CTNND2: variants seen among roughly 807,000 people sequenced by gnomAD.
CTNND2 encodes the protein catenin delta-2.
Under a neutral mutation model 144.4 loss-of-function variants are expected in CTNND2, and 22 were observed. The ratio of observed to expected loss-of-function variants is 0.15; its 90% CI spans 0.11 to 0.22. CTNND2 has a LOEUF of 0.22. Among genes scored for constraint, CTNND2 ranks in the 10% least tolerant of loss-of-function variants. The pLI is 1.00. For missense variants in CTNND2, 1,353 were observed against 1,618.8 expected (o/e 0.84, Z 2.82); for synonymous variants, 751 against 695.6 (o/e 1.08, Z -1.25).
At chr5:11,819,353 G>C (rs1793190813) in intron 1 of CTNND2, among the ~76,000 whole-genome samples, 1 of 152,110 alleles carries the variant, frequency 6.6e-6, no homozygotes, top group Admixed American at 6.5e-5. Context: ...AGAATCACTT[G>C]AGCCCAGGAG....
In CTNND2 at chr5:11,779,492, G is replaced by A. The variant is rs138164628; in HGVS notation, c.38-47220C>T. 1.2e-3 allele frequency among the ~76,000 whole-genome samples: 177 copies of A among 152,300 alleles called. 1 individual carries two copies. The highest frequency in any genetic ancestry group is 4.1e-3 in the African/African-American group (169 of 41,564). Reference sequence around the variant, plus strand: ...AACTGCAGGCTGCCTTGCAGAGAGAGGGTGCCCAGCAAGGTGCTGGCATCA... The same window carrying A: ...AACTGCAGGCTGCCTTGCAGAGAGAAGGTGCCCAGCAAGGTGCTGGCATCA... On this transcript the variant is annotated intron_variant, in intron 1 of 21. Transcript: ENST00000304623.
At chr5:11,447,028 G>A (rs1030429681) in intron 3 of CTNND2, among the ~76,000 whole-genome samples, 3 of 151,966 alleles carry the variant, frequency 2.0e-5, no homozygotes, top group Admixed American at 2.0e-4. Flanking sequence ...CATATCTCTG[G>A]AGGGTTCTTT....
intron 12 of CTNND2, among the ~76,000 whole-genome samples, chr5:11,139,255 C>T (rs1214210780): frequency 6.6e-6 from 1 of 152,182 alleles, no homozygotes; most frequent in South Asian, 2.1e-4. Flanking sequence ...GCGACCACAC[C>T]CGGCCAGAAA....
intron 2 of CTNND2, among the ~76,000 whole-genome samples, chr5:11,664,934 A>G (rs537301816): frequency 6.6e-6 from 1 of 152,318 alleles, no homozygotes; most frequent in African/African-American, 2.4e-5. Flanking sequence ...ACTGCTTTGA[A>G]GAAAGAATCC....
At chr5:11,826,853 A>C (rs1166981364) in intron 1 of CTNND2, among the ~76,000 whole-genome samples, 1 of 152,066 alleles carries the variant, frequency 6.6e-6, no homozygotes, top group East Asian at 1.9e-4. Flanking sequence ...TCAAAGAAGA[A>C]AAAGATAAAA....
Position 11,813,156 on chromosome 5 carries a change from C to T in CTNND2, c.38-80884G>A, listed in dbSNP as rs557144168. On this transcript the variant is annotated intron_variant, in intron 1 of 21. Coordinates refer to ENST00000304623, the MANE Select transcript of CTNND2 (RefSeq NM_001332.4). Reference sequence around the variant, plus strand: ...CTATGTTTAGATACACCAATACTTACCATTGTGTTACAATTGCCTACAGTA... The same window carrying T: ...CTATGTTTAGATACACCAATACTTATCATTGTGTTACAATTGCCTACAGTA... Among the ~76,000 whole-genome samples, 18 of 152,318 alleles carry T rather than the reference C, an allele frequency of 1.2e-4. No individual in the cohort carries two copies. In the South Asian group the frequency reaches 3.7e-3, roughly 32 times the overall value.
chr5:11,713,671 A>G (rs1165718201), intron 2 of CTNND2, among the ~76,000 whole-genome samples: 1 of 151,932 alleles, frequency 6.6e-6, no homozygotes. Flanking sequence ...TGAGGATAAG[A>G]CTTCTGCAAC....
At chr5:11,189,845 A>G (rs1736062598) in intron 11 of CTNND2, among the ~76,000 whole-genome samples, 1 of 152,178 alleles carries the variant, frequency 6.6e-6, no homozygotes, top group Non-Finnish European at 1.5e-5. Context: ...TTCTGTCTCT[A>G]GGACTGAGGG....
intron 16 of CTNND2, among the ~76,000 whole-genome samples, chr5:11,025,249 T>A (rs1300977921): frequency 6.6e-6 from 1 of 152,226 alleles, no homozygotes; most frequent in African/African-American, 2.4e-5. Flanking sequence ...TCGGGGCAGT[T>A]TGTTAATTAT....
At chr5:11,667,302 A>G (rs566890869) in intron 2 of CTNND2, among the ~76,000 whole-genome samples, 2 of 152,304 alleles carry the variant, frequency 1.3e-5, no homozygotes, top group African/African-American at 4.8e-5. Flanking sequence ...CTGCTGGGTC[A>G]AATGTTATTT....
chr5:11,663,700 G>A (rs1717470406), intron 2 of CTNND2, among the ~76,000 whole-genome samples: 1 of 151,854 alleles, frequency 6.6e-6, no homozygotes, highest in African/African-American at 2.4e-5. Context: ...CCAATACAAA[G>A]ACTGTATAAA....
chr5:11,712,813 A>G (rs1275393025), intron 2 of CTNND2, among the ~76,000 whole-genome samples: 2 of 152,238 alleles, frequency 1.3e-5, no homozygotes, highest in African/African-American at 4.8e-5. Flanking sequence ...TGAGTTTAAA[A>G]TAGAATCAAA....
At chr5:10,997,678 C>T (rs544520321) in intron 18 of CTNND2, among the ~76,000 whole-genome samples, 3 of 151,918 alleles carry the variant, frequency 2.0e-5, no homozygotes, top group Non-Finnish European at 4.4e-5. Context: ...TGAATGGGGA[C>T]AGATCATTTT....
intron 1 of CTNND2, among the ~76,000 whole-genome samples, chr5:11,739,552 GA>G (rs988876552): frequency 5.3e-5 from 8 of 151,952 alleles, no homozygotes; most frequent in African/African-American, 1.9e-4. Flanking sequence ...GGAATGTAAA[GA>G]TTGAGAGCTA....
chr5:11,728,808 T>C (rs1415159850), intron 2 of CTNND2, among the ~76,000 whole-genome samples: 1 of 152,186 alleles, frequency 6.6e-6, no homozygotes, highest in African/African-American at 2.4e-5. Context: ...CTATATTTTT[T>C]TCTATTTTAA....
intron 1 of CTNND2, among the ~76,000 whole-genome samples, chr5:11,849,819 T>C (rs993652000): frequency 5.3e-5 from 8 of 151,972 alleles, no homozygotes; most frequent in Admixed American, 4.6e-4. Flanking sequence ...GAAAAGAAAA[T>C]ATCTGACCAC....
At chr5:11,280,796 C>T (rs1364333710) in intron 9 of CTNND2, among the ~76,000 whole-genome samples, 1 of 152,164 alleles carries the variant, frequency 6.6e-6, no homozygotes, top group African/African-American at 2.4e-5. Context: ...CCTAGTTTTT[C>T]CCTGAAAGTT....
At chr5:11,073,884 T>A (rs1748622902) in intron 16 of CTNND2, among the ~76,000 whole-genome samples, 1 of 152,210 alleles carries the variant, frequency 6.6e-6, no homozygotes, top group South Asian at 2.1e-4. Context: ...AGAAATAAGG[T>A]TTCTTTTTAA....
In CTNND2 at chr5:11,542,069, T is replaced by A. The variant is rs1774809750; in HGVS notation, c.287+22875A>T. Among the ~76,000 whole-genome samples the A allele has an allele frequency of 1.3e-5, 2 of 152,050 alleles. 1 individual carries two copies. The highest frequency in any genetic ancestry group is 2.9e-5 in the Non-Finnish European group (2 of 68,026). On this transcript the variant is annotated intron_variant, in intron 3 of 21. Transcript: ENST00000304623. ...TGTTGAAAAAGCACAATGTAATTAT[T>A]AATAAATGGCTCTGTCAGCCAAGAA...
Sources: gnomAD v4.1 joint callset for allele counts (sites outside exome capture counted in the v4.1 genomes callset) on GRCh38, gnomAD v4.1.1 for gene constraint, MANE v1.5 for transcripts, NCBI Gene and HGNC (gene_info 2026-07-23, HGNC 2026-07-21) for gene names.